The following PPEF1 variants were observed in gnomAD, a reference collection of about 807,000 sequenced individuals.
The protein encoded by PPEF1 is protein phosphatase with EF-hand domain 1.
In PPEF1, 12 loss-of-function variants were observed where a neutral mutation model predicts 53.3. The observed-to-expected ratio is 0.23, with a 90% confidence interval of 0.14 to 0.36. The LOEUF (loss-of-function observed/expected upper bound fraction) is 0.36, where lower values mean the gene tolerates loss of function less well. Among genes scored for constraint, PPEF1 ranks in the 10% least tolerant of loss-of-function variants. The pLI is 1.00. For synonymous variants in PPEF1, 165 were observed against 176.7 expected (o/e 0.93, Z 0.52); for missense variants, 334 against 490.4 (o/e 0.68, Z 3.01).
At chrX:18,764,807 G>T (rs892975013) in intron 6 of PPEF1, among the ~76,000 whole-genome samples, 1 of 111,641 alleles carries the variant, frequency 9.0e-6, no homozygotes, top group Non-Finnish European at 1.9e-5. Flanking sequence ...AATCGGGAAC[G>T]TAGTCACTAA....
rs779381999 is a variant in PPEF1 at position 18,803,924 on chromosome X, C to G, written c.1098C>G (p.Gly366=). ...ATATTCTGTGGAGTGATCCCAGAGG[C>G]AAAAATGGCTGTTTTCCAAATACGT... is the stretch of plus-strand genomic sequence containing the variant. ...IIDILWSDPR[G]KNGCFPNTCR... is the part of the protein sequence containing the mutation. The change falls in exon 11 of 16, where the codon GGC becomes GGG. Residue 366 remains glycine (G), a synonymous_variant. Coordinates refer to ENST00000470157, the MANE Select transcript of PPEF1 (RefSeq NM_001377996.1). 8.3e-7 allele frequency: 1 copy of G among 1,208,779 alleles called. No individual in the cohort carries two copies. The highest frequency in any genetic ancestry group is 1.1e-6 in the Non-Finnish European group (1 of 894,127).
At chrX:18,736,815 T>C (rs1416138761) in intron 3 of PPEF1, among the ~76,000 whole-genome samples, 1 of 112,467 alleles carries the variant, frequency 8.9e-6, no homozygotes. Flanking sequence ...GAGCCTGTTA[T>C]TGGTCTATTC....
At chrX:18,801,978 C>T (rs2046555577) in intron 10 of PPEF1, among the ~76,000 whole-genome samples, 1 of 93,001 alleles carries the variant, frequency 1.1e-5, no homozygotes, top group Non-Finnish European at 2.1e-5. Flanking sequence ...AGCGAGACTC[C>T]ATCACAAAAA....
intron 1 of PPEF1, among the ~76,000 whole-genome samples, chrX:18,723,783 ATTT>A (rs375565489): frequency 9.8e-6 from 1 of 102,133 alleles, no homozygotes; most frequent in Admixed American, 1.1e-4. Context: ...ATACCATCTG[ATTT>A]TTTTTTTTTT....
At chrX:18,741,027 T>C (rs1201612010) in intron 3 of PPEF1, among the ~76,000 whole-genome samples, 1 of 108,970 alleles carries the variant, frequency 9.2e-6, no homozygotes, top group East Asian at 2.9e-4. Context: ...AAGAATGGTG[T>C]TTTAATGGGC....
intron 3 of PPEF1, among the ~76,000 whole-genome samples, chrX:18,740,431 A>G (rs2045122438): frequency 9.9e-6 from 1 of 101,210 alleles, no homozygotes. Flanking sequence ...TTTTTTTGAG[A>G]CAGAGTCTCG....
chrX:18,782,066 G>A (rs1319138430), intron 7 of PPEF1, among the ~76,000 whole-genome samples: 4 of 112,091 alleles, frequency 3.6e-5, no homozygotes, highest in Non-Finnish European at 7.5e-5. Flanking sequence ...TACTTGTAGC[G>A]TTTACAAAAC....
intron 3 of PPEF1, among the ~76,000 whole-genome samples, chrX:18,742,631 G>T (rs1000931217): frequency 7.2e-5 from 8 of 111,147 alleles, no homozygotes; most frequent in African/African-American, 2.6e-4. Context: ...GGCTGAGGTG[G>T]ATGGATCACT....
intron 5 of PPEF1, among the ~76,000 whole-genome samples, chrX:18,758,004 G>A (rs906757127): frequency 2.7e-5 from 3 of 111,323 alleles, no homozygotes; most frequent in African/African-American, 9.8e-5. Context: ...ACCCATGGGT[G>A]GAATAAGCAT....
intron 10 of PPEF1, among the ~76,000 whole-genome samples, chrX:18,798,566 A>G (rs2046479324): frequency 9.0e-6 from 1 of 111,550 alleles, no homozygotes; most frequent in Non-Finnish European, 1.9e-5. Context: ...AAGGGTGGAC[A>G]GGGAGCAGGA....
At chrX:18,761,632 G>A in intron 6 of PPEF1, 56 bp downstream of exon 6, 1 of 917,110 alleles carries the variant, frequency 1.1e-6, no homozygotes, top group Non-Finnish European at 1.6e-6. Flanking sequence ...GCAGTCTTAG[G>A]GCAGATAACA....
intron 3 of PPEF1, 75 bp from the exon 4 acceptor site, chrX:18,749,717 T>G: frequency 1.3e-6 from 1 of 742,121 alleles, no homozygotes; most frequent in Non-Finnish European, 2.0e-6. Context: ...CAAGAAGATA[T>G]TTATTAAATT....
At chrX:18,809,677 G>A (rs888926669) in intron 12 of PPEF1, among the ~76,000 whole-genome samples, 1 of 106,925 alleles carries the variant, frequency 9.4e-6, no homozygotes, top group Non-Finnish European at 1.9e-5. Flanking sequence ...TGCACTCCAG[G>A]TTGGGCAATA....
chrX:18,748,704 C>T (rs931848765), intron 3 of PPEF1, among the ~76,000 whole-genome samples: 12 of 111,840 alleles, frequency 1.1e-4, no homozygotes, highest in Non-Finnish European at 1.9e-5. Flanking sequence ...GGGGGCTGAT[C>T]GAGGACAACC....
At chrX:18,697,007 T>C (rs1477975427) in intron 4 of PPEF1, among the ~76,000 whole-genome samples, 2 of 112,459 alleles carry the variant, frequency 1.8e-5, no homozygotes, top group Non-Finnish European at 3.8e-5. Flanking sequence ...TACTTTGCCT[T>C]GGCAGAAATT....
At chrX:18,745,753 C>T (rs182636234) in intron 3 of PPEF1, among the ~76,000 whole-genome samples, 41 of 111,763 alleles carry the variant, frequency 3.7e-4, no homozygotes, top group African/African-American at 1.3e-3. Flanking sequence ...AGTATCATTC[C>T]ATTCCTAGTT....
intron 4 of PPEF1, among the ~76,000 whole-genome samples, chrX:18,694,741 C>T (rs1474375262): frequency 9.0e-6 from 1 of 111,306 alleles, no homozygotes; most frequent in Non-Finnish European, 1.9e-5. Flanking sequence ...GTCTCAACCC[C>T]CCCACCCAAA....
chrX:18,768,812 G>C (rs909276158), intron 6 of PPEF1, among the ~76,000 whole-genome samples: 1 of 112,112 alleles, frequency 8.9e-6, no homozygotes, highest in African/African-American at 3.2e-5. Flanking sequence ...GATAGTTCAG[G>C]GTTGGACATG....
At chrX:18,740,249 G>A (rs977449449) in intron 3 of PPEF1, among the ~76,000 whole-genome samples, 2 of 111,993 alleles carry the variant, frequency 1.8e-5, no homozygotes, top group Non-Finnish European at 3.8e-5. Context: ...GTTCCTATTC[G>A]GCCATCTTGG....
Sources: allele counts gnomAD v4.1 joint callset (sites outside exome capture counted in the v4.1 genomes callset), GRCh38; gene constraint gnomAD v4.1.1; transcripts MANE v1.5; gene names NCBI Gene and HGNC (gene_info 2026-07-23, HGNC 2026-07-21).